Variants in DPP6 observed in about 807,000 individuals in gnomAD.
DPP6 encodes A-type potassium channel modulatory protein DPP6.
A neutral mutation model predicts 122.6 loss-of-function variants in DPP6; 69 were observed. The ratio of observed to expected loss-of-function variants is 0.56; its 90% CI spans 0.46 to 0.69. The LOEUF (loss-of-function observed/expected upper bound fraction) is 0.69, where lower values mean the gene tolerates loss of function less well. DPP6 is among the 30% of genes least tolerant of loss of function. The pLI, the probability that DPP6 is intolerant of heterozygous loss-of-function variation, is 0.00. For missense variants in DPP6, 928 were observed against 1,116.9 expected (o/e 0.83, Z 2.41); for synonymous variants, 418 against 433.1 (o/e 0.97, Z 0.43).
chr7:154,434,792 G>A (rs1796040540), intron 1 of DPP6, among the ~76,000 whole-genome samples: 1 of 151,980 alleles, frequency 6.6e-6, no homozygotes, highest in Non-Finnish European at 1.5e-5. Flanking sequence ...TTGCTTTTAT[G>A]TTCATGGCTG....
intron 10 of DPP6, 62 bp from the exon 11 acceptor site, chr7:154,794,017 C>A: frequency 1.9e-6 from 3 of 1,572,776 alleles, no homozygotes; most frequent in South Asian, 2.3e-5. Context: ...GGTCGGCGGT[C>A]CCCTGGCTTC....
Position 154,813,419 on chromosome 7 carries a change from A to G in DPP6, c.1666+6307A>G, listed in dbSNP as rs1402683276. 2.0e-5 allele frequency among the ~76,000 whole-genome samples: 3 copies of G among 152,044 alleles called. No homozygotes were observed. The East Asian group carries it at 5.8e-4, about 29-fold the overall frequency. On this transcript the variant is annotated intron_variant, in intron 16 of 25. Coordinates refer to ENST00000377770, the MANE Select transcript of DPP6 (RefSeq NM_130797.4). ...TTTTGATTGTACATACAAACCCATA[A>G]ATTATTTTTCTACTTTGCACAGTTA...
intron 5 of DPP6, among the ~76,000 whole-genome samples, chr7:154,574,856 GGTGTGTGTGTTTGTGTGTT>G (rs1396312885): frequency 1.4e-5 from 2 of 140,240 alleles, no homozygotes; most frequent in Non-Finnish European, 3.1e-5. Flanking sequence ...TGATGTGTGT[GGTGTGTGTGTTTGTGTGTT>G]GTGTGTGTGT....
At chr7:154,585,561 T>C (rs1269435296) in intron 5 of DPP6, among the ~76,000 whole-genome samples, 1 of 152,118 alleles carries the variant, frequency 6.6e-6, no homozygotes, top group Non-Finnish European at 1.5e-5. Context: ...GGTACCAAAC[T>C]CCACAGAAGC....
rs540712068 is a variant in DPP6, at chr7:154,800,817, C to A, written c.1300-538C>A. ...CTTTTTTTCTTGCCTTCTTGATGGG[C>A]TATTCAGTGTGAGATCAATTGTATT... On this transcript the variant is annotated intron_variant, in intron 12 of 25. Coordinates refer to ENST00000377770, the MANE Select transcript of DPP6 (RefSeq NM_130797.4). Among the ~76,000 whole-genome samples the A allele has an allele frequency of 2.0e-5, 3 of 152,160 alleles. No homozygotes were observed. The South Asian group carries it at 6.2e-4, about 32-fold the overall frequency.
the DPP6 span, among the ~76,000 whole-genome samples, chr7:153,822,030 C>T: frequency 6.6e-6 from 1 of 152,156 alleles, no homozygotes; most frequent in African/African-American, 2.4e-5. Flanking sequence ...CCATGTGGCT[C>T]ACGGGTTTGC....
chr7:154,464,702 A>T (rs1184581330), intron 2 of DPP6, among the ~76,000 whole-genome samples: 1 of 152,238 alleles, frequency 6.6e-6, no homozygotes, highest in Non-Finnish European at 1.5e-5. Context: ...GTCTATTGAT[A>T]TTGGGACCAT....
intron 8 of DPP6, among the ~76,000 whole-genome samples, chr7:154,737,758 G>A: frequency 6.6e-6 from 1 of 152,216 alleles, no homozygotes; most frequent in African/African-American, 2.4e-5. Flanking sequence ...CTGTAGATGT[G>A]TCTGCTCAAT....
At chr7:153,833,310 T>A in the DPP6 span, among the ~76,000 whole-genome samples, 1 of 152,172 alleles carries the variant, frequency 6.6e-6, no homozygotes, top group Non-Finnish European at 1.5e-5. Flanking sequence ...TAAAACGTAA[T>A]CCTCTTTTTG....
chr7:154,122,560 T>C (rs1391070892), intron 1 of DPP6, among the ~76,000 whole-genome samples: 8 of 152,234 alleles, frequency 5.3e-5, no homozygotes, highest in Non-Finnish European at 1.2e-4. Flanking sequence ...TGAGCTTGTG[T>C]TTCTTCATGT....
chr7:154,805,219 G>A (rs1398839701), intron 15 of DPP6, among the ~76,000 whole-genome samples: 14 of 152,144 alleles, frequency 9.2e-5, no homozygotes, highest in African/African-American at 2.7e-4. Context: ...TGCCTCTTTG[G>A]CTAACGGATG....
At chr7:154,134,215 A>G (rs1290372284) in intron 1 of DPP6, among the ~76,000 whole-genome samples, 1 of 152,110 alleles carries the variant, frequency 6.6e-6, no homozygotes, top group Non-Finnish European at 1.5e-5. Flanking sequence ...CTGTTTGTCT[A>G]CTTTTTCCCA....
intron 1 of DPP6, among the ~76,000 whole-genome samples, chr7:154,216,275 C>A (rs1412430633): frequency 2.6e-5 from 4 of 152,226 alleles, no homozygotes; most frequent in Admixed American, 6.5e-5. Context: ...TGCCCAGAGA[C>A]TGTCTGCCAC....
chr7:154,061,705 AG>A (rs1801941571), intron 1 of DPP6, among the ~76,000 whole-genome samples: 2 of 71,026 alleles, frequency 2.8e-5, no homozygotes, highest in Non-Finnish European at 6.1e-5. Flanking sequence ...GCAGGGGGGG[AG>A]GCAATCCCCG....
In DPP6 at chr7:154,264,747, T is replaced by A. The variant is rs375476447; in HGVS notation, c.244-181467T>A. On this transcript the variant is annotated intron_variant, in intron 1 of 25. Transcript: ENST00000377770. ...GTGATAGTGACAATGGTGTTAATGA[T>A]GTTAATGATGATAGTGATAATGATG... Among the ~76,000 whole-genome samples, 91 of 151,898 alleles carry A rather than the reference T, an allele frequency of 6.0e-4. 3 individuals carry two copies. In the South Asian group the frequency reaches 0.017, roughly 29 times the overall value.
At chr7:154,646,503 G>A (rs902653402) in intron 6 of DPP6, among the ~76,000 whole-genome samples, 7 of 152,012 alleles carry the variant, frequency 4.6e-5, no homozygotes, top group East Asian at 1.9e-4. Context: ...AAGCCACAGC[G>A]TCAAAACCTC....
Position 154,675,598 on chromosome 7 carries a change from C to T in DPP6, c.762+6157C>T, listed in dbSNP as rs186342477. On this transcript the variant is annotated intron_variant, in intron 7 of 25. Coordinates refer to ENST00000377770, the MANE Select transcript of DPP6 (RefSeq NM_130797.4). ...ATTCTCTTATGCACTCGTTTGTTTA[C>T]GGATTCAATCAACTCTTCTTGAATA... Among the ~76,000 whole-genome samples the T allele has an allele frequency of 2.5e-3, 377 of 152,308 alleles. 1 individual carries two copies. The highest frequency in any genetic ancestry group is 4.4e-3 in the Non-Finnish European group (302 of 68,038).
At chr7:154,253,097 A>G (rs1330617734) in intron 1 of DPP6, among the ~76,000 whole-genome samples, 4 of 152,238 alleles carry the variant, frequency 2.6e-5, no homozygotes, top group Non-Finnish European at 5.9e-5. Context: ...ATTAATTCCA[A>G]GGCCAAAGGG....
intron 1 of DPP6, among the ~76,000 whole-genome samples, chr7:154,195,133 ATT>A (rs1251224152): frequency 1.3e-5 from 2 of 152,120 alleles, no homozygotes; most frequent in Non-Finnish European, 2.9e-5. Flanking sequence ...TCTGTGGTTC[ATT>A]TTGAGATAAT....
Sources: allele counts gnomAD v4.1 joint callset (sites outside exome capture counted in the v4.1 genomes callset), GRCh38; gene constraint gnomAD v4.1.1; transcripts MANE v1.5; gene names NCBI Gene and HGNC (gene_info 2026-07-23, HGNC 2026-07-21).